The following CD163 variants were observed in gnomAD, a reference collection of about 807,000 sequenced individuals.
CD163 encodes scavenger receptor cysteine-rich type 1 protein M130.
CD163 carries 64 observed loss-of-function variants against 129.2 expected under a neutral mutation model. The observed-to-expected ratio is 0.50, with a 90% CI of 0.41 to 0.61. The LOEUF is 0.61. Among genes scored for constraint, CD163 ranks in the 20% least tolerant of loss-of-function variants. CD163 has a pLI of 0.00. For synonymous variants in CD163, 446 were observed against 478.5 expected (o/e 0.93, Z 0.89); for missense variants, 1,061 against 1,377.9 (o/e 0.77, Z 3.64).
intron 16 of CD163, among the ~76,000 whole-genome samples, chr12:7,473,873 G>C (rs1341775476): frequency 6.6e-6 from 1 of 151,992 alleles, no homozygotes; most frequent in Non-Finnish European, 1.5e-5. Context: ...TAAAAGGATG[G>C]AGGAAAACAT....
Position 7,483,106 on chromosome 12 carries a change from T to C in CD163, c.3089-102A>G, listed in dbSNP as rs1053580601. The C allele has an allele frequency of 2.6e-6, 3 of 1,162,982 alleles. No individual in the cohort carries two copies. The Admixed American group carries it at 6.1e-5, about 24-fold the overall frequency. 72.0% of individuals were successfully genotyped at this position (1,162,982 alleles called of 1,614,324 possible). A position where few individuals can be genotyped will look rare whatever the true frequency, so the allele number is the denominator to read the frequency against. On this transcript the variant is annotated intron_variant, in intron 12 of 16. Transcript: ENST00000432237. The stretch of plus-strand genomic sequence containing the variant: ...CCCCTTAGTACCTCTCAACCAAGTA[T>C]ATGACTCTTTCCCACCTAAAACTAG...
intron 16 of CD163, among the ~76,000 whole-genome samples, chr12:7,472,206 CA>C (rs1949014980): frequency 6.6e-6 from 1 of 152,234 alleles, no homozygotes; most frequent in South Asian, 2.1e-4. Context: ...TCTCCCAGCA[CA>C]GCGCTCGAGC....
In CD163 at chr12:7,490,778, C is replaced by T. The variant is rs147718208; in HGVS notation, c.1421-2691G>A. Among the ~76,000 whole-genome samples the T allele has an allele frequency of 7.0e-3, 1,064 of 152,074 alleles. 10 individuals are homozygous for T. The highest frequency in any genetic ancestry group is 0.024 in the African/African-American group (988 of 41,544). ...AATACCTCAACATGTCAAAATTTCA[C>T]CCATTATCCATTAAATCTGCGCAAA... On this transcript the variant is annotated intron_variant, in intron 6 of 16. Transcript: ENST00000432237.
intron 3 of CD163, 149 bp downstream of exon 3, chr12:7,500,990 T>G: frequency 1.5e-6 from 1 of 668,200 alleles, no homozygotes; most frequent in African/African-American, 1.8e-5. Flanking sequence ...TGACCTCGTG[T>G]TTTGTGGTTT....
chr12:7,472,882 G>T (rs1949025470), intron 16 of CD163, among the ~76,000 whole-genome samples: 1 of 152,140 alleles, frequency 6.6e-6, no homozygotes, highest in Admixed American at 6.5e-5. Context: ...GAACACAAAT[G>T]ACCTGATGGA....
intron 6 of CD163, among the ~76,000 whole-genome samples, chr12:7,489,502 T>C (rs1949299806): frequency 6.6e-6 from 1 of 152,122 alleles, no homozygotes. Context: ...TATGCAATAA[T>C]TAATCCAAAA....
intron 4 of CD163, 42 bp downstream of exon 4, chr12:7,498,826 G>C (rs1267869326): frequency 1.3e-6 from 2 of 1,547,330 alleles, no homozygotes; most frequent in Non-Finnish European, 1.8e-6. Flanking sequence ...CCTTTCTTTT[G>C]TCCTCTCCTG....
At chr12:7,489,926 G>A (rs74056489) in intron 6 of CD163, among the ~76,000 whole-genome samples, 9,435 of 151,918 alleles carry the variant, frequency 0.062, 354 homozygotes, top group African/African-American at 0.096. Context: ...TGGGCATGCC[G>A]TAATTTTCAT....
chr12:7,479,095 G>A (rs758013990), intron 16 of CD163, among the ~76,000 whole-genome samples: 1 of 152,186 alleles, frequency 6.6e-6, no homozygotes, highest in Non-Finnish European at 1.5e-5. Context: ...CCCAGTGAAA[G>A]AGAACATAAA....
Position 7,484,509 on chromosome 12 carries a change from C to T in CD163, c.2779+587G>A, listed in dbSNP as rs113675652. On this transcript the variant is annotated intron_variant, in intron 11 of 16. Coordinates refer to ENST00000432237, the MANE Select transcript of CD163 (RefSeq NM_203416.4). ...ACAAAATTAGCTGGGCATGGTGGCTCATGCCTGTAATCCCAGCTACTCAGG... is the reference window on the plus strand; with the variant it reads ...ACAAAATTAGCTGGGCATGGTGGCTTATGCCTGTAATCCCAGCTACTCAGG... Among the ~76,000 whole-genome samples, 1,150 of 152,068 alleles carry T rather than the reference C, an allele frequency of 7.6e-3. 17 individuals are homozygous for T. The highest frequency in any genetic ancestry group is 0.027 in the African/African-American group (1,102 of 41,504).
In CD163 at chr12:7,482,995, A is replaced by C. The variant is rs759201230; in HGVS notation, c.3098T>G (p.Val1033Gly). 3 of 1,613,606 alleles carry C rather than the reference A, an allele frequency of 1.9e-6. No homozygotes were observed. The highest frequency in any genetic ancestry group is 2.7e-5 in the African/African-American group (2 of 74,892). ...TGTGGCTTTTTGTGGGGTTTTCTGC[A>C]CTGAAATATCTGTAGGAGAAAAGAA... ...DAAVNCTDISVQKTPQKATTG... is the reference protein window; with the variant it reads ...DAAVNCTDISGQKTPQKATTG... The change falls in exon 13 of 17, where the codon GTG becomes GGG. Residue 1033 changes from valine (V) to glycine (G), a missense_variant. Transcript: ENST00000432237.
At chr12:7,495,048 C>A (rs1949380880) in intron 6 of CD163, 33 bp downstream of exon 6, 1 of 1,555,296 alleles carries the variant, frequency 6.4e-7, no homozygotes, top group Non-Finnish European at 8.9e-7. Context: ...AAATTTACAC[C>A]CTTCTTCTTA....
intron 3 of CD163, 39 bp from the exon 4 acceptor site, chr12:7,499,227 C>A (rs1293756899): frequency 6.6e-7 from 1 of 1,519,528 alleles, no homozygotes; most frequent in African/African-American, 1.4e-5. Flanking sequence ...AAGTTACATT[C>A]ATTTAGAAGT....
At chr12:7,497,197 A>G in intron 4 of CD163, 64 bp from the exon 5 acceptor site, 3 of 1,345,448 alleles carry the variant, frequency 2.2e-6, no homozygotes, top group East Asian at 2.3e-5. Context: ...ATAAATAGCT[A>G]TACCTGAGAT....
At chr12:7,484,168 T>C (rs916517979) in intron 11 of CD163, among the ~76,000 whole-genome samples, 1 of 152,106 alleles carries the variant, frequency 6.6e-6, no homozygotes, top group African/African-American at 2.4e-5. Flanking sequence ...ATTTATCTTT[T>C]ATAAGAGGAC....
chr12:7,496,634 C>A lies in CD163; in HGVS notation c.1099+179G>T, dbSNP rs1404927714. ...CAGAGAATGCCGTCAGACAACCTTC[C>A]AAACTAGTTGAATAAAGAATGTGTC... On this transcript the variant is annotated intron_variant, in intron 5 of 16. Transcript: ENST00000432237. This position sits in a 1 kb window ranked among gnomAD's most constrained non-coding sequence, Gnocchi z 4.8. 6.6e-6 allele frequency among the ~76,000 whole-genome samples: 1 copy of A among 152,112 alleles called. No homozygotes were observed. Among genetic ancestry groups the A allele is most frequent in the Non-Finnish European group, 1.5e-5 (1 of 68,024 alleles).
chr12:7,488,843 A>C (rs145435231), intron 6 of CD163, among the ~76,000 whole-genome samples: 184 of 151,792 alleles, frequency 1.2e-3, no homozygotes, highest in African/African-American at 4.2e-3. Flanking sequence ...TTACTTAATT[A>C]ATGATATACA....
chr12:7,475,097 C>CAAAAAAAAA (rs58901449), intron 16 of CD163, among the ~76,000 whole-genome samples: 3 of 94,006 alleles, frequency 3.2e-5, no homozygotes, highest in Admixed American at 1.2e-4. Context: ...GCCTACCAAC[C>CAAAAAAAAA]AAAAAAAAAA....
Position 7,496,703 on chromosome 12 carries a change from G to T in CD163, c.1099+110C>A. ...GGAATTCCCAGCAAGGAATTTACTA[G>T]GCATTTCTACTTCTTAAGGAGCACG... On this transcript the variant is annotated intron_variant, in intron 5 of 16. Coordinates refer to ENST00000432237, the MANE Select transcript of CD163 (RefSeq NM_203416.4). This position sits in a 1 kb window ranked among gnomAD's most constrained non-coding sequence, Gnocchi z 4.8. The T allele has an allele frequency of 3.6e-6, 3 of 828,160 alleles. No individual in the cohort carries two copies. Among genetic ancestry groups the T allele is most frequent in the Non-Finnish European group, 3.9e-6 (2 of 508,554 alleles). The allele number at this position is 828,160 out of a possible 1,614,324, so 51.3% of individuals were successfully genotyped here.
Sources: allele counts gnomAD v4.1 joint callset (sites outside exome capture counted in the v4.1 genomes callset), GRCh38; gene constraint gnomAD v4.1.1; non-coding constraint Gnocchi (gnomAD v3.1); transcripts MANE v1.5; gene names NCBI Gene and HGNC (gene_info 2026-07-23, HGNC 2026-07-21).